The following SEC31A variants were observed in gnomAD, a reference collection of about 807,000 sequenced individuals.
SEC31A encodes protein transport protein Sec31A.
Under a neutral mutation model 151.0 loss-of-function variants are expected in SEC31A, and 70 were observed. The ratio of observed to expected loss-of-function variants is 0.46; its 90% CI spans 0.38 to 0.57. The LOEUF is 0.57. Among genes scored for constraint, SEC31A ranks in the 20% least tolerant of loss-of-function variants. SEC31A has a pLI of 0.00. For synonymous variants in SEC31A, 475 were observed against 505.9 expected, an observed-to-expected ratio of 0.94 and a Z score of 0.82; for missense variants, 1,330 against 1,471.2, an observed-to-expected ratio of 0.90 and a Z score of 1.57.
rs189048045 is a variant in SEC31A, at chr4:82,872,371, T to C, written c.640-285A>G. On this transcript the variant is annotated intron_variant, in intron 6 of 26. Transcript: ENST00000395310. ...TGCCAGCAAACTTTTGTATTTTTAG[T>C]AGATATGAGGTTTTACCATGTTGGC... is the stretch of plus-strand genomic sequence containing the variant. Among the ~76,000 whole-genome samples the C allele has an allele frequency of 8.9e-4, 135 of 152,212 alleles. 2 individuals are homozygous for C. The highest frequency in any genetic ancestry group is 8.8e-3 in the Admixed American group (134 of 15,280).
At chr4:82,893,349 A>C (rs1719927947), upstream of SEC31A, 2 of 152,234 alleles carry the variant, frequency 1.3e-5, no homozygotes, top group Non-Finnish European at 2.9e-5. Context: ...GATTATAGGC[A>C]TGAGCCTCCA....
intron 3 of SEC31A, 45 bp downstream of exon 3, chr4:82,880,754 A>G: frequency 6.6e-7 from 1 of 1,526,500 alleles, no homozygotes; most frequent in Non-Finnish European, 8.9e-7. Context: ...ATCAAGAACA[A>G]TATATAATTA....
chr4:82,829,508 G>C (rs1363005119), intron 22 of SEC31A: 1 of 152,862 alleles, frequency 6.5e-6, no homozygotes, highest in African/African-American at 2.4e-5. Context: ...TTGCCAAGAG[G>C]GCAATTCAAC....
intron 1 of SEC31A, 132 bp downstream of exon 1, chr4:82,890,956 C>A: frequency 6.9e-7 from 1 of 1,447,994 alleles, no homozygotes; most frequent in South Asian, 1.4e-5. Flanking sequence ...TAGGGGCGCG[C>A]CGTCACCAGA....
chr4:82,867,420 AT>A, intron 8 of SEC31A, 104 bp from the exon 9 acceptor site: 6 of 905,000 alleles, frequency 6.6e-6, no homozygotes, highest in Non-Finnish European at 8.3e-6. Flanking sequence ...TAAATTGAAT[AT>A]TTTTTTGTAG....
intron 12 of SEC31A, 100 bp from the exon 13 acceptor site, chr4:82,862,672 G>T: frequency 1.0e-6 from 1 of 965,982 alleles, no homozygotes. Context: ...ATCCACAAAA[G>T]TTCTTATAGG....
At chr4:82,896,194 T>C (rs1720052573), upstream of SEC31A, among the ~76,000 whole-genome samples, 1 of 152,152 alleles carries the variant, frequency 6.6e-6, no homozygotes, top group African/African-American at 2.4e-5. Flanking sequence ...AGGGTTATTA[T>C]GAGAAATAAA....
At chr4:82,865,585 C>CATAA (rs1735191850) in intron 10 of SEC31A, among the ~76,000 whole-genome samples, 2 of 103,670 alleles carry the variant, frequency 1.9e-5, no homozygotes, top group Admixed American at 2.1e-4. Flanking sequence ...TATATATATA[C>CATAA]AATGCAATAT....
At chr4:82,880,689 C>T (rs1313425422) in intron 3 of SEC31A, 110 bp downstream of exon 3, 23 of 896,856 alleles carry the variant, frequency 2.6e-5, no homozygotes, top group Non-Finnish European at 3.5e-5. Context: ...ATTTCATGTT[C>T]TTGATGGTAT....
At chr4:82,858,381 T>C (rs1358726487) in intron 14 of SEC31A, among the ~76,000 whole-genome samples, 1 of 151,448 alleles carries the variant, frequency 6.6e-6, no homozygotes, top group South Asian at 2.1e-4. Flanking sequence ...CCGTCTCTAC[T>C]AAAAATACAA....
chr4:82,827,490 A>G lies in SEC31A; in HGVS notation c.3170T>C (p.Leu1057Pro). ...SSQSSFPQPH[L>P]PGGQPFHGVQ... ...GCCATGGAAGGGCTGGCCACCTGGA[A>G]GATGTGGCTGTGGGAATGAAGACTG... Residue 1057 changes from leucine (L) to proline (P), a missense_variant, in exon 24 of 27, where the codon CTT becomes CCT. Leu to Pro is a moderately conservative substitution (Grantham distance 98, BLOSUM62 -3). Transcript: ENST00000395310. 2 of 1,614,234 alleles carry G rather than the reference A, an allele frequency of 1.2e-6. No individual in the cohort carries two copies. The highest frequency in any genetic ancestry group is 2.2e-5 in the South Asian group (2 of 91,088).
At chr4:82,880,723 A>T in intron 3 of SEC31A, 76 bp downstream of exon 3, 1 of 1,262,280 alleles carries the variant, frequency 7.9e-7, no homozygotes, top group Non-Finnish European at 1.1e-6. Context: ...TAATAATGGC[A>T]TAATTATAGA....
Position 82,878,814 on chromosome 4 carries a change from A to G in SEC31A, c.318T>C (p.Ile106=), listed in dbSNP as rs111975040. The change falls in exon 4 of 27, where the codon ATT becomes ATC. Residue 106 remains isoleucine, a synonymous_variant. Coordinates refer to ENST00000395310, the MANE Select transcript of SEC31A (RefSeq NM_001077207.4). ...TCACAACTTCCTTGTCTCCAGCTAT[A>G]ATTTTAGAAGGATCATAGAGAATAA... ...GNIILYDPSK[I]IAGDKEVVIA... 1.2e-6 allele frequency: 2 copies of G among 1,613,864 alleles called. No homozygotes were observed. The highest frequency in any genetic ancestry group is 1.7e-6 in the Non-Finnish European group (2 of 1,179,898).
chr4:82,893,259 G>A (rs1578431981), upstream of SEC31A: 1 of 152,188 alleles, frequency 6.6e-6, no homozygotes, highest in African/African-American at 2.4e-5. Flanking sequence ...TGTAGACACA[G>A]GGACTCATTT....
intron 4 of SEC31A, among the ~76,000 whole-genome samples, chr4:82,876,109 T>G (rs1020680219): frequency 1.7e-3 from 19 of 11,172 alleles, no homozygotes; most frequent in African/African-American, 3.3e-3. Flanking sequence ...GATAAATTCT[T>G]TTTTTTTTTT....
chr4:82,826,691 T>G (rs1043035452), intron 24 of SEC31A, among the ~76,000 whole-genome samples: 1 of 152,262 alleles, frequency 6.6e-6, no homozygotes, highest in Non-Finnish European at 1.5e-5. Flanking sequence ...TATAATCTTG[T>G]GACAAGAGAT....
At chr4:82,858,095 A>G in intron 14 of SEC31A, 1 of 202,912 alleles carries the variant, frequency 4.9e-6, no homozygotes, top group Non-Finnish European at 1.0e-5. Context: ...CATGCCCAAC[A>G]TGGTGAAACC....
chr4:82,873,289 C>T (rs1453684029), intron 6 of SEC31A, among the ~76,000 whole-genome samples: 1 of 150,516 alleles, frequency 6.6e-6, no homozygotes, highest in Non-Finnish European at 1.5e-5. Context: ...ACCCAGGAGG[C>T]GGAGGTTGCA....
chr4:82,865,394 C>G (rs910509214), intron 10 of SEC31A, among the ~76,000 whole-genome samples: 49 of 152,144 alleles, frequency 3.2e-4, no homozygotes, highest in African/African-American at 1.1e-3. Context: ...AATCCCACTT[C>G]TGGGTATATG....
Sources: gnomAD v4.1 joint callset for allele counts (sites outside exome capture counted in the v4.1 genomes callset) on GRCh38, gnomAD v4.1.1 for gene constraint, MANE v1.5 for transcripts, NCBI Gene and HGNC (gene_info 2026-07-23, HGNC 2026-07-21) for gene names.